Variants in BCL2L11 observed in about 807,000 individuals in gnomAD.
BCL2L11 encodes the protein BCL2 like 11, also known as bcl-2-like protein 11.
Under a neutral mutation model 20.6 loss-of-function variants are expected in BCL2L11, and 15 were observed. That is an observed-to-expected ratio of 0.73 (90% CI 0.49 to 1.12). The LOEUF (loss-of-function observed/expected upper bound fraction) is 1.12. Ranked by LOEUF, BCL2L11 falls within the 50% of genes most tolerant of loss-of-function variation. The probability of loss-of-function intolerance (pLI) is 0.00; values close to 1 mark genes in which losing one functional copy is unlikely to be tolerated. For synonymous variants in BCL2L11, 108 were observed against 92.8 expected, an observed-to-expected ratio of 1.16 and a Z score of -0.94; for missense variants, 292 against 260.9, an observed-to-expected ratio of 1.12 and a Z score of -0.82.
chr2:111,155,532 CTG>C (rs1422877108), intron 3 of BCL2L11, among the ~76,000 whole-genome samples: 2 of 152,206 alleles, frequency 1.3e-5, no homozygotes, highest in African/African-American at 2.4e-5. Flanking sequence ...CTTGGAATAA[CTG>C]GACCCATTCT....
rs1033601403 is a variant in BCL2L11, at chr2:111,142,453, T to C, written c.395-7591T>C. 6.5e-5 allele frequency: 84 copies of C among 1,301,116 alleles called. 1 individual carries two copies. The highest frequency in any genetic ancestry group is 6.5e-5 in the Non-Finnish European group (60 of 921,266). 80.6% of individuals were successfully genotyped at this position (1,301,116 alleles called of 1,614,324 possible). The stretch of plus-strand genomic sequence containing the variant: ...AAGAAGCAGCTGCCTTTTGTGACTT[T>C]TAAGTGAGAAGCTTTCATTATGTCT... On this transcript the variant is annotated intron_variant, in intron 2 of 3. Coordinates refer to ENST00000393256, the MANE Select transcript of BCL2L11 (RefSeq NM_138621.5).
intron 1 of BCL2L11, chr2:111,123,011 CTAGTTG>C: frequency 1.0e-6 from 1 of 984,202 alleles, no homozygotes; most frequent in Non-Finnish European, 1.2e-6. Flanking sequence ...GCCTGCGGAC[CTAGTTG>C]TAGACCTTGC....
intron 3 of BCL2L11, among the ~76,000 whole-genome samples, chr2:111,155,152 A>G (rs6727356): frequency 0.36 from 54,204 of 151,980 alleles, 10,667 homozygotes; most frequent in African/African-American, 0.53. Context: ...GGATGTTAGT[A>G]GGCATGGAGG....
intron 3 of BCL2L11, chr2:111,161,595 A>G: frequency 6.6e-7 from 1 of 1,507,026 alleles, no homozygotes; most frequent in Non-Finnish European, 8.9e-7. Flanking sequence ...GGAACCACTC[A>G]CACTGCAAAT....
rs1173202653 is a variant in BCL2L11 at position 111,120,923 on chromosome 2, C to G, written c.-279C>G. 2 of 341,644 alleles carry G rather than the reference C, an allele frequency of 5.9e-6. No homozygotes were observed. The highest frequency in any genetic ancestry group is 5.9e-5 in the East Asian group (1 of 16,882). The allele number at this position is 341,644 out of a possible 1,614,324, so 21.2% of individuals were successfully genotyped here. A position where few individuals can be genotyped will look rare whatever the true frequency, so the allele number is the denominator to read the frequency against. On this transcript the variant is annotated 5_prime_UTR_variant, in exon 1 of 4. Transcript: ENST00000393256. Reference sequence around the variant, plus strand: ...GGGCCGCGCAGGTTTCACTTCGCTCCGCGCAGCCGCCTGGTCTGCAGTTTG... The same window carrying G: ...GGGCCGCGCAGGTTTCACTTCGCTCGGCGCAGCCGCCTGGTCTGCAGTTTG...
At chr2:111,136,903 CAG>C (rs1377608475) in intron 2 of BCL2L11, among the ~76,000 whole-genome samples, 21 of 152,192 alleles carry the variant, frequency 1.4e-4, no homozygotes, top group African/African-American at 5.1e-4. Context: ...TGTGGAATAA[CAG>C]ACTTACAATG....
At chr2:111,151,894 G>GT in intron 3 of BCL2L11, 1 of 1,545,816 alleles carries the variant, frequency 6.5e-7, no homozygotes, top group East Asian at 2.4e-5. Context: ...ATCTGAAATG[G>GT]TAATTTTTTT....
At chr2:111,140,281 CT>C (rs1408620775) in intron 2 of BCL2L11, among the ~76,000 whole-genome samples, 2 of 152,064 alleles carry the variant, frequency 1.3e-5, no homozygotes, top group East Asian at 3.9e-4. Context: ...TCATTTCAAG[CT>C]GATAAGAGTG....
At chr2:111,156,689 TCA>T (rs2150554089) in intron 3 of BCL2L11, among the ~76,000 whole-genome samples, 1 of 152,194 alleles carries the variant, frequency 6.6e-6, no homozygotes, top group Admixed American at 6.5e-5. Flanking sequence ...AAAACACGAC[TCA>T]CAGAGAAGTG....
intron 3 of BCL2L11, chr2:111,162,788 G>T (rs1471315328): frequency 6.6e-6 from 1 of 152,202 alleles, no homozygotes; most frequent in African/African-American, 2.4e-5. Flanking sequence ...ATTTTAGTAA[G>T]TTGTGGTTTT....
chr2:111,137,954 ATTG>A (rs1360479514), intron 2 of BCL2L11, among the ~76,000 whole-genome samples: 1 of 150,162 alleles, frequency 6.7e-6, no homozygotes, highest in Non-Finnish European at 1.5e-5. Context: ...AGTAGTGGGT[ATTG>A]TTGTATTTTC....
intron 2 of BCL2L11, among the ~76,000 whole-genome samples, chr2:111,137,445 C>T (rs1381355673): frequency 6.6e-6 from 1 of 152,174 alleles, no homozygotes; most frequent in African/African-American, 2.4e-5. Flanking sequence ...CTGGTCCCTG[C>T]TCGGTCAATG....
intron 3 of BCL2L11, among the ~76,000 whole-genome samples, chr2:111,151,184 G>C (rs1286156962): frequency 6.6e-6 from 1 of 152,146 alleles, no homozygotes; most frequent in East Asian, 1.9e-4. Context: ...TTACAGGTGT[G>C]AGCCTCTGCG....
intron 2 of BCL2L11, among the ~76,000 whole-genome samples, chr2:111,148,226 C>T (rs546193241): frequency 1.3e-5 from 2 of 152,288 alleles, no homozygotes; most frequent in Non-Finnish European, 2.9e-5. Flanking sequence ...GTCTTGCTGG[C>T]TGGACGTTCA....
Position 111,124,094 on chromosome 2 carries a change from C to T in BCL2L11, c.349C>T (p.Pro117Ser), listed in dbSNP as rs1367049582. ...GAGTTGTGACAAATCAACACAAACC[C>T]CAAGTCCTCCTTGCCAGGCCTTCAA... ...PMSCDKSTQT[P>S]SPPCQAFNHY... The change falls in exon 2 of 4, where the codon CCA becomes TCA. Residue 117 changes from proline (P) to serine (S), a missense_variant. Transcript: ENST00000393256. 1.2e-6 allele frequency: 2 copies of T among 1,613,698 alleles called. No individual in the cohort carries two copies. Among genetic ancestry groups the T allele is most frequent in the Non-Finnish European group, 8.5e-7 (1 of 1,179,900 alleles).
intron 3 of BCL2L11, among the ~76,000 whole-genome samples, chr2:111,150,736 T>G (rs1254296350): frequency 6.6e-6 from 1 of 152,232 alleles, no homozygotes; most frequent in Non-Finnish European, 1.5e-5. Context: ...TTATAGATAA[T>G]TGCCACTTAT....
At chr2:111,160,044 C>A (rs2078363725) in intron 3 of BCL2L11, among the ~76,000 whole-genome samples, 1 of 152,224 alleles carries the variant, frequency 6.6e-6, no homozygotes, top group Non-Finnish European at 1.5e-5. Flanking sequence ...TTGGCATAAT[C>A]TTTCCTTCTG....
chr2:111,150,016 A>G, intron 2 of BCL2L11, 28 bp from the exon 3 acceptor site: 1 of 1,595,442 alleles, frequency 6.3e-7, no homozygotes, highest in Non-Finnish European at 8.6e-7. Flanking sequence ...CCACAATGTG[A>G]TTTTTGTTTT....
Position 111,124,107 on chromosome 2 carries a change from G to T in BCL2L11, c.362G>T (p.Cys121Phe). The change falls in exon 2 of 4, where the codon TGC becomes TTC. Residue 121 changes from cysteine to phenylalanine, a missense_variant. Physicochemically the swap from Cys to Phe is radical, Grantham distance 205. Transcript: ENST00000393256. ...DKSTQTPSPP[C>F]QAFNHYLSAM... ...TCAACACAAACCCCAAGTCCTCCTT[G>T]CCAGGCCTTCAACCACTATCTCAGT... The T allele has an allele frequency of 6.2e-7, 1 of 1,613,058 alleles. No homozygotes were observed. Among genetic ancestry groups the T allele is most frequent in the East Asian group, 2.2e-5 (1 of 44,878 alleles).
Sources: gnomAD v4.1 joint callset for allele counts (sites outside exome capture counted in the v4.1 genomes callset) on GRCh38, gnomAD v4.1.1 for gene constraint, MANE v1.5 for transcripts, NCBI Gene and HGNC (gene_info 2026-07-23, HGNC 2026-07-21) for gene names.